Variants in CERS3 observed in about 807,000 individuals in gnomAD.
CERS3 encodes the protein LAG1 homolog, ceramide synthase 3.
CERS3 carries 33 observed loss-of-function variants against 50.3 expected under a neutral mutation model. That is an observed-to-expected ratio of 0.66 (90% CI 0.50 to 0.88). The LOEUF is 0.88. CERS3 is among the 40% of genes least tolerant of loss of function. The pLI is 0.00. For missense variants in CERS3, 470 were observed against 460.3 expected, an observed-to-expected ratio of 1.02 and a Z score of -0.19; for synonymous variants, 176 against 155.2, an observed-to-expected ratio of 1.13 and a Z score of -0.99.
intron 7 of CERS3, among the ~76,000 whole-genome samples, chr15:100,477,180 T>C (rs191496229): frequency 6.6e-6 from 1 of 152,206 alleles, no homozygotes. Context: ...GTTTTGGGGA[T>C]GGTTTGTTAT....
Position 100,402,624 on chromosome 15 carries a change from C to T in CERS3, c.*89G>A, listed in dbSNP as rs1260248424. The T allele has an allele frequency of 2.3e-6, 3 of 1,302,744 alleles. No homozygotes were observed. In the Admixed American group the frequency reaches 6.9e-5, roughly 30 times the overall value. The allele number at this position is 1,302,744 out of a possible 1,614,324, so 80.7% of individuals were successfully genotyped here. A position where few individuals can be genotyped will look rare whatever the true frequency, so the allele number is the denominator to read the frequency against. Reference sequence around the variant, plus strand: ...GGCGGTGGTGAGAAAGAGGGAAGGGCAGAATGTGGGGTCGGTGTGGGGCCT... The same window carrying T: ...GGCGGTGGTGAGAAAGAGGGAAGGGTAGAATGTGGGGTCGGTGTGGGGCCT... On this transcript the variant is annotated 3_prime_UTR_variant, in exon 12 of 12. Coordinates refer to ENST00000679737, the MANE Select transcript of CERS3 (RefSeq NM_001378789.1).
intron 11 of CERS3, among the ~76,000 whole-genome samples, chr15:100,413,233 T>C (rs890601349): frequency 2.0e-5 from 3 of 152,162 alleles, no homozygotes; most frequent in Non-Finnish European, 2.9e-5. Flanking sequence ...CCCACAACTC[T>C]AACCAGGCAA....
At position 100,435,278 on chromosome 15, in the gene CERS3, G is replaced by A. The variant is rs532177628; in HGVS notation, c.999+20615C>T. On this transcript the variant is annotated intron_variant, in intron 11 of 11. Transcript: ENST00000679737. ...TAAATTGGAGTACGGAAGATCCCTCGTGTGACTAAGTCAGTCCTGAGTGAC... is the reference window on the plus strand; with the variant it reads ...TAAATTGGAGTACGGAAGATCCCTCATGTGACTAAGTCAGTCCTGAGTGAC... Among the ~76,000 whole-genome samples, 49 of 152,180 alleles carry A rather than the reference G, an allele frequency of 3.2e-4. 1 individual carries two copies. Among genetic ancestry groups the A allele is most frequent in the Non-Finnish European group, 6.2e-4 (42 of 68,038 alleles).
chr15:100,452,041 C>T (rs2034191684), intron 11 of CERS3, among the ~76,000 whole-genome samples: 1 of 152,118 alleles, frequency 6.6e-6, no homozygotes, highest in Non-Finnish European at 1.5e-5. Context: ...GACTTCAACA[C>T]CCTCCTATCA....
intron 11 of CERS3, among the ~76,000 whole-genome samples, chr15:100,453,728 C>G (rs771230121): frequency 6.6e-6 from 1 of 151,946 alleles, no homozygotes; most frequent in Non-Finnish European, 1.5e-5. Flanking sequence ...GCAGATGGCA[C>G]GATCTTATAC....
chr15:100,430,255 T>G (rs1364580689), intron 11 of CERS3, among the ~76,000 whole-genome samples: 1 of 150,476 alleles, frequency 6.6e-6, no homozygotes, highest in Non-Finnish European at 1.5e-5. Flanking sequence ...GAGCTTGCAG[T>G]GAGCCGAGAT....
At chr15:100,506,783 G>A (rs1332069678) in intron 2 of CERS3, among the ~76,000 whole-genome samples, 2 of 152,184 alleles carry the variant, frequency 1.3e-5, no homozygotes, top group Admixed American at 1.3e-4. Flanking sequence ...GGGGACAGAC[G>A]AGGGAAAATG....
chr15:100,406,209 A>G (rs1405035422), intron 11 of CERS3, among the ~76,000 whole-genome samples: 1 of 152,228 alleles, frequency 6.6e-6, no homozygotes, highest in Non-Finnish European at 1.5e-5. Context: ...AGTGATAGAC[A>G]TGACCCCAGG....
chr15:100,420,444 C>T (rs1232164545), intron 11 of CERS3, among the ~76,000 whole-genome samples: 2 of 152,136 alleles, frequency 1.3e-5, no homozygotes, highest in Non-Finnish European at 2.9e-5. Context: ...TAATCAATAG[C>T]TTACCAACCA....
Position 100,458,811 on chromosome 15 carries a change from T to C in CERS3, c.846-2765A>G, listed in dbSNP as rs151170197. On this transcript the variant is annotated intron_variant, in intron 10 of 11. Transcript: ENST00000679737. Reference sequence around the variant, plus strand: ...CACATGCTTTTATGTAACGAGGTGATCACTACCTATGTGTGATTTTTGTAC... The same window carrying C: ...CACATGCTTTTATGTAACGAGGTGACCACTACCTATGTGTGATTTTTGTAC... 3.9e-5 allele frequency among the ~76,000 whole-genome samples: 6 copies of C among 152,340 alleles called. No individual in the cohort carries two copies. The East Asian group carries it at 1.2e-3, about 29-fold the overall frequency.
At chr15:100,442,783 G>A (rs913522447) in intron 11 of CERS3, among the ~76,000 whole-genome samples, 10 of 152,308 alleles carry the variant, frequency 6.6e-5, no homozygotes, top group South Asian at 2.1e-4. Flanking sequence ...CGATCACCTC[G>A]GAAGCCCCCT....
At chr15:100,505,407 A>G (rs1172133940) in intron 2 of CERS3, among the ~76,000 whole-genome samples, 1 of 152,246 alleles carries the variant, frequency 6.6e-6, no homozygotes, top group Non-Finnish European at 1.5e-5. Flanking sequence ...AGAAACTTTA[A>G]TACTCAACAG....
At chr15:100,417,804 C>A (rs11543466) in intron 11 of CERS3, among the ~76,000 whole-genome samples, 1 of 151,296 alleles carries the variant, frequency 6.6e-6, no homozygotes, top group Admixed American at 6.6e-5. Context: ...CTGAGAGGCA[C>A]CCCCCAGCAA....
chr15:100,456,638 A>C (rs1401262492), intron 10 of CERS3, among the ~76,000 whole-genome samples: 1 of 152,214 alleles, frequency 6.6e-6, no homozygotes, highest in Non-Finnish European at 1.5e-5. Context: ...TAAGATGCAC[A>C]GTGTCTTCAG....
chr15:100,504,941 C>T (rs1020940840), intron 2 of CERS3, among the ~76,000 whole-genome samples: 4 of 152,182 alleles, frequency 2.6e-5, no homozygotes, highest in African/African-American at 9.7e-5. Context: ...ATACACAAGC[C>T]TTTGAGTCAA....
At chr15:100,443,332 G>T (rs944907258) in intron 11 of CERS3, among the ~76,000 whole-genome samples, 1 of 150,956 alleles carries the variant, frequency 6.6e-6, no homozygotes, top group Non-Finnish European at 1.5e-5. Context: ...TCACTCTCCT[G>T]CTACAGCATG....
intron 11 of CERS3, among the ~76,000 whole-genome samples, chr15:100,403,433 CAG>C (rs2030715004): frequency 6.6e-6 from 1 of 151,682 alleles, no homozygotes; most frequent in African/African-American, 2.4e-5. Flanking sequence ...AAACTGAAAA[CAG>C]AAAAAACAAT....
At chr15:100,497,306 A>ATGTGTGTGTGTG (rs139734142) in intron 3 of CERS3, among the ~76,000 whole-genome samples, 44 of 145,946 alleles carry the variant, frequency 3.0e-4, no homozygotes, top group African/African-American at 3.0e-4. Context: ...GCATATATGT[A>ATGTGTGTGTGTG]TGTGTGTGTG....
intron 11 of CERS3, among the ~76,000 whole-genome samples, chr15:100,431,674 T>C (rs192011041): frequency 6.6e-6 from 1 of 152,356 alleles, no homozygotes; most frequent in East Asian, 1.9e-4. Flanking sequence ...TTTCTCTGCT[T>C]AATCTTGTAG....
Sources: allele counts gnomAD v4.1 joint callset (sites outside exome capture counted in the v4.1 genomes callset), GRCh38; gene constraint gnomAD v4.1.1; transcripts MANE v1.5; gene names NCBI Gene and HGNC (gene_info 2026-07-23, HGNC 2026-07-21).